GAS7: variants seen among roughly 807,000 people sequenced by gnomAD.
GAS7 encodes the protein growth arrest specific 7.
GAS7 carries 28 observed loss-of-function variants against 71.1 expected under a neutral mutation model. The observed-to-expected ratio is 0.39, with a 90% confidence interval of 0.29 to 0.54. The LOEUF is 0.54. Among genes scored for constraint, GAS7 ranks in the 20% least tolerant of loss-of-function variants. The probability of loss-of-function intolerance (pLI) is 0.62; values close to 1 mark genes in which losing one functional copy is unlikely to be tolerated. For synonymous variants in GAS7, 258 were observed against 245.8 expected (o/e 1.05, Z -0.46); for missense variants, 436 against 627.8 (o/e 0.69, Z 3.27).
At chr17:9,968,827 TATC>T (rs1597575458) in intron 4 of GAS7, among the ~76,000 whole-genome samples, 1 of 152,232 alleles carries the variant, frequency 6.6e-6, no homozygotes, top group Non-Finnish European at 1.5e-5. Context: ...TCATCAATAT[TATC>T]ATCATGATCA....
At position 9,913,355 on chromosome 17, in the gene GAS7, CT is replaced by C. The variant is rs1268543930; in HGVS notation, c.*3872del. 4.3e-6 allele frequency: 1 copy of C among 232,392 alleles called. No individual in the cohort carries two copies. The highest frequency in any genetic ancestry group is 8.5e-6 in the Non-Finnish European group (1 of 117,302). 14.4% of individuals were successfully genotyped at this position (232,392 alleles called of 1,614,324 possible). ...GCATCTTGAGCCTTCTGTTTAAACA[CT>C]CCTTGTCAAGACTACCTGCAGCTGG... On this transcript the variant is annotated 3_prime_UTR_variant, in exon 14 of 14. Transcript: ENST00000432992.
chr17:10,016,602 C>CAAAAAAAAAA (rs1158379710), intron 2 of GAS7, among the ~76,000 whole-genome samples: 16 of 84,724 alleles, frequency 1.9e-4, no homozygotes, highest in South Asian at 4.5e-4. Flanking sequence ...CTGTCTCTAC[C>CAAAAAAAAAA]AAAAAAAAAA....
chr17:10,180,405 C>T (rs901503836), intron 1 of GAS7, among the ~76,000 whole-genome samples: 3 of 151,660 alleles, frequency 2.0e-5, no homozygotes, highest in Non-Finnish European at 4.4e-5. Flanking sequence ...TCTCATACAG[C>T]CAGCATGCAA....
chr17:9,957,404 C>T (rs1056275229), intron 5 of GAS7, among the ~76,000 whole-genome samples: 9 of 152,234 alleles, frequency 5.9e-5, no homozygotes, highest in Admixed American at 2.0e-4. Flanking sequence ...CAGCCCCCTC[C>T]GGCCACACCC....
At chr17:10,068,020 A>C (rs1275867052) in intron 1 of GAS7, among the ~76,000 whole-genome samples, 1 of 152,184 alleles carries the variant, frequency 6.6e-6, no homozygotes, top group Non-Finnish European at 1.5e-5. Flanking sequence ...GGTCATTCCC[A>C]TGAAAACTAT....
At chr17:10,196,899 T>A (rs1326138433) in intron 1 of GAS7, among the ~76,000 whole-genome samples, 1 of 152,132 alleles carries the variant, frequency 6.6e-6, no homozygotes, top group African/African-American at 2.4e-5. Flanking sequence ...CACCTGAGCC[T>A]CTCCTACAAG....
At chr17:10,081,457 A>G (rs2073456212) in intron 1 of GAS7, among the ~76,000 whole-genome samples, 1 of 152,184 alleles carries the variant, frequency 6.6e-6, no homozygotes. Flanking sequence ...CCCAGCCAAG[A>G]GTTCTTAAAT....
At chr17:10,192,915 C>A (rs2074513260) in intron 1 of GAS7, among the ~76,000 whole-genome samples, 2 of 152,130 alleles carry the variant, frequency 1.3e-5, no homozygotes, top group Admixed American at 6.6e-5. Context: ...CCCCTCCGAG[C>A]CACAAGCCCT....
chr17:10,186,347 T>C (rs957776902), intron 1 of GAS7, among the ~76,000 whole-genome samples: 1 of 151,526 alleles, frequency 6.6e-6, no homozygotes, highest in Non-Finnish European at 1.5e-5. Context: ...AGTGATATTG[T>C]ACAGCTAGGC....
At chr17:10,075,942 A>G (rs954432023) in intron 1 of GAS7, among the ~76,000 whole-genome samples, 5 of 151,548 alleles carry the variant, frequency 3.3e-5, no homozygotes, top group African/African-American at 1.2e-4. Context: ...CCCCTACTAA[A>G]AATACAAAAA....
At position 10,026,327 on chromosome 17, in the gene GAS7, CCACTCCCCCCACACCCA is replaced by C; in HGVS notation, c.184-6447_184-6431del. The C allele has an allele frequency of 1.0e-6, 1 of 978,396 alleles. No homozygotes were observed. Among genetic ancestry groups the C allele is most frequent in the Non-Finnish European group, 1.2e-6 (1 of 823,602 alleles). The allele number at this position is 978,396 out of a possible 1,614,324, so 60.6% of individuals were successfully genotyped here. ...AGCATATCCACAGGGCCCCACACCC[CCACTCCCCCCACACCCA>C]GATCTATATATAACAGCTCTGAAGT... On this transcript the variant is annotated intron_variant, in intron 1 of 13. Transcript: ENST00000432992. The surrounding 1 kb of genome is among the most constrained non-coding windows in gnomAD (Gnocchi z 4.5).
intron 1 of GAS7, among the ~76,000 whole-genome samples, chr17:10,133,242 T>C (rs9904511): frequency 0.66 from 100,668 of 151,400 alleles, 33,557 homozygotes; most frequent in East Asian, 0.81. Flanking sequence ...CCTATCTCAG[T>C]CTCCCAAGTA....
At chr17:9,925,334 C>T (rs2067959414) in intron 11 of GAS7, 142 bp downstream of exon 11, 7 of 802,884 alleles carry the variant, frequency 8.7e-6, no homozygotes, top group Admixed American at 2.0e-5. Flanking sequence ...AGAGGGGGTA[C>T]CTCCTGGCAA....
At position 9,969,816 on chromosome 17, in the gene GAS7, C is replaced by T. The variant is rs1342621258; in HGVS notation, c.386-54G>A. On this transcript the variant is annotated intron_variant, in intron 3 of 13. Transcript: ENST00000432992. The surrounding 1 kb of genome is among the most constrained non-coding windows in gnomAD (Gnocchi z 5.5). Reference sequence around the variant, plus strand: ...CTGTGTGGGCCACAGATGGGCACCCCCGCCTTTCGTCCACTGCAGCCCCTT... The same window carrying T: ...CTGTGTGGGCCACAGATGGGCACCCTCGCCTTTCGTCCACTGCAGCCCCTT... 1 of 1,198,956 alleles carries T rather than the reference C, an allele frequency of 8.3e-7. No individual in the cohort carries two copies. Among genetic ancestry groups the T allele is most frequent in the African/African-American group, 1.5e-5 (1 of 66,978 alleles). 74.3% of individuals were successfully genotyped at this position (1,198,956 alleles called of 1,614,324 possible).
intron 9 of GAS7, among the ~76,000 whole-genome samples, chr17:9,928,104 A>ATTTT (rs1555590429): frequency 7.0e-4 from 105 of 150,446 alleles, no homozygotes; most frequent in African/African-American, 2.5e-3. Context: ...ACATTTATTT[A>ATTTT]TTTTTTATTT....
At chr17:9,918,187 G>T in intron 12 of GAS7, 88 bp from the exon 13 acceptor site, 1 of 848,254 alleles carries the variant, frequency 1.2e-6, no homozygotes. Context: ...GCAAGTCACT[G>T]GCTGTGGACA....
intron 1 of GAS7, chr17:10,020,228 C>T: frequency 4.2e-6 from 1 of 238,918 alleles, no homozygotes; most frequent in Non-Finnish European, 8.3e-6. Context: ...CAAGGGGGCC[C>T]TGTCACTCCA....
At chr17:10,177,465 G>A (rs1176090013) in intron 1 of GAS7, among the ~76,000 whole-genome samples, 1 of 152,040 alleles carries the variant, frequency 6.6e-6, no homozygotes, top group Non-Finnish European at 1.5e-5. Flanking sequence ...GGATGCTGCT[G>A]ACGCCATGTG....
At chr17:9,965,669 T>TA (rs1410310534) in intron 4 of GAS7, among the ~76,000 whole-genome samples, 1 of 152,182 alleles carries the variant, frequency 6.6e-6, no homozygotes, top group Non-Finnish European at 1.5e-5. Context: ...TCCCAGAACT[T>TA]AAAGTAAAAT....
Sources: allele counts gnomAD v4.1 joint callset (sites outside exome capture counted in the v4.1 genomes callset), GRCh38; gene constraint gnomAD v4.1.1; non-coding constraint Gnocchi (gnomAD v3.1); transcripts MANE v1.5; gene names NCBI Gene and HGNC (gene_info 2026-07-23, HGNC 2026-07-21).